HENMT1: variants seen among roughly 807,000 people sequenced by gnomAD.
HENMT1 encodes the protein small RNA 2'-O-methyltransferase.
Under a neutral mutation model 31.1 loss-of-function variants are expected in HENMT1, and 27 were observed. That is an observed-to-expected ratio of 0.87 (90% CI 0.64 to 1.20). The LOEUF is 1.20. HENMT1 is among the 50% of genes most tolerant of loss of function. The probability of loss-of-function intolerance (pLI) is 0.00; values close to 1 mark genes in which losing one functional copy is unlikely to be tolerated. For synonymous variants in HENMT1, 167 were observed against 172.2 expected, an observed-to-expected ratio of 0.97 and a Z score of 0.24; for missense variants, 438 against 469.6, an observed-to-expected ratio of 0.93 and a Z score of 0.62.
intron 3 of HENMT1, among the ~76,000 whole-genome samples, chr1:108,655,907 A>C (rs1279651843): frequency 6.6e-6 from 1 of 151,180 alleles, no homozygotes; most frequent in African/African-American, 2.4e-5. Flanking sequence ...CTGAAACTTT[A>C]TAAGCCCATA....
chr1:108,650,448 G>A (rs1227569366), intron 6 of HENMT1, 60 bp from the exon 7 acceptor site: 35 of 1,439,910 alleles, frequency 2.4e-5, no homozygotes, highest in Non-Finnish European at 2.8e-5. Flanking sequence ...GTTAAATAAG[G>A]AACCATTTCT....
chr1:108,655,365 GCTTT>G (rs1557740539), intron 4 of HENMT1, among the ~76,000 whole-genome samples: 1 of 152,094 alleles, frequency 6.6e-6, no homozygotes, highest in Non-Finnish European at 1.5e-5. Flanking sequence ...AATTTACAAT[GCTTT>G]GATTATTATA....
Position 108,648,828 on chromosome 1 carries a change from G to A in HENMT1, c.920C>T (p.Ser307Leu). Residue 307 changes from serine to leucine, a missense_variant, in exon 8 of 8, where the codon TCA (serine) becomes TTA (leucine). Coordinates refer to ENST00000651461, the MANE Select transcript of HENMT1 (RefSeq NM_001102592.2). ...RGDKPKDIGG[S>L]KAPVPCFGPV... ...TCCAAAGCATGGGACAGGGGCCTTTGAGCCACCAATGTCTTTGGGCTTATC... is the reference window on the plus strand; with the variant it reads ...TCCAAAGCATGGGACAGGGGCCTTTAAGCCACCAATGTCTTTGGGCTTATC... 4 of 1,614,192 alleles carry A rather than the reference G, an allele frequency of 2.5e-6. No homozygotes were observed. Among genetic ancestry groups the A allele is most frequent in the Non-Finnish European group, 3.4e-6 (4 of 1,180,038 alleles).
chr1:108,650,918 T>C, intron 6 of HENMT1, 112 bp downstream of exon 6: 6 of 738,730 alleles, frequency 8.1e-6, no homozygotes, highest in Non-Finnish European at 1.3e-5. Context: ...GAATCAATTT[T>C]ATTGGAAGAA....
At chr1:108,658,641 C>T (rs1389679597) in intron 2 of HENMT1, among the ~76,000 whole-genome samples, 2 of 152,188 alleles carry the variant, frequency 1.3e-5, no homozygotes, top group Non-Finnish European at 2.9e-5. Flanking sequence ...CAAACCCTGG[C>T]CCCAATCCTA....
At position 108,661,036 on chromosome 1, in the gene HENMT1, A is replaced by ATTTC; in HGVS notation, c.-153_-152insGAAA. 1.0e-6 allele frequency: 1 copy of ATTTC among 983,986 alleles called. No individual in the cohort carries two copies. Among genetic ancestry groups the ATTTC allele is most frequent in the Non-Finnish European group, 1.2e-6 (1 of 828,692 alleles). 61.0% of individuals were successfully genotyped at this position (983,986 alleles called of 1,614,324 possible). ...GCGGTAAGCAGCATGCCCAACCGAA[A>ATTTC]AAACAAAGCTCGTCGCGGAGCCGCC... On this transcript the variant is annotated 5_prime_UTR_variant, in exon 1 of 8. Coordinates refer to ENST00000651461, the MANE Select transcript of HENMT1 (RefSeq NM_001102592.2).
At chr1:108,661,227 G>T (rs1658470623), upstream of HENMT1, 1 of 152,554 alleles carries the variant, frequency 6.6e-6, no homozygotes, top group Non-Finnish European at 1.5e-5. Flanking sequence ...GGAGCCTCAT[G>T]GTGCGCCGAG....
chr1:108,654,565 G>T (rs1658155969), intron 5 of HENMT1, 151 bp downstream of exon 5: 1 of 721,042 alleles, frequency 1.4e-6, no homozygotes, highest in East Asian at 2.8e-5. Flanking sequence ...TAAGTAAAAT[G>T]TTGGAAAAGC....
intron 5 of HENMT1, 27 bp downstream of exon 5, chr1:108,654,689 T>A (rs1232793211): frequency 6.2e-7 from 1 of 1,611,372 alleles, no homozygotes; most frequent in Non-Finnish European, 8.5e-7. Context: ...AATGAACAGT[T>A]ATACAGTGTA....
Position 108,648,782 on chromosome 1 carries a change from C to G in HENMT1, c.966G>C (p.Glu322Asp), listed in dbSNP as rs761705102. 1.2e-6 allele frequency: 2 copies of G among 1,614,088 alleles called. No homozygotes were observed. Among genetic ancestry groups the G allele is most frequent in the Admixed American group, 1.7e-5 (1 of 60,008 alleles). Reference sequence around the variant, plus strand: ...TGGGAGAGTTCTCTATCTTGGCCTTCTCAACCTCTGTGAAGACTGGTCCAA... The same window carrying G: ...TGGGAGAGTTCTCTATCTTGGCCTTGTCAACCTCTGTGAAGACTGGTCCAA... ...PCFGPVFTEVEKAKIENSPTP... is the reference protein window; with the variant it reads ...PCFGPVFTEVDKAKIENSPTP... The change falls in exon 8 of 8, where the codon GAG (glutamate) becomes GAC (aspartate). Residue 322 changes from glutamate to aspartate, a missense_variant. Physicochemically the swap from Glu to Asp is conservative, Grantham distance 45. Coordinates refer to ENST00000651461, the MANE Select transcript of HENMT1 (RefSeq NM_001102592.2).
chr1:108,658,208 T>C (rs917127455), intron 2 of HENMT1, among the ~76,000 whole-genome samples: 2 of 151,892 alleles, frequency 1.3e-5, no homozygotes, highest in African/African-American at 4.8e-5. Flanking sequence ...CTCAGCTCAC[T>C]GCAACCTCCG....
At position 108,651,095 on chromosome 1, in the gene HENMT1, A is replaced by G. The variant is rs1658039728; in HGVS notation, c.513T>C (p.Phe171=). The G allele has an allele frequency of 6.2e-7, 1 of 1,613,910 alleles. No individual in the cohort carries two copies. Among genetic ancestry groups the G allele is most frequent in the South Asian group, 1.1e-5 (1 of 91,086 alleles). Residue 171 remains phenylalanine (F), a synonymous_variant, in exon 6 of 8, where the codon TTT becomes TTC. Coordinates refer to ENST00000651461, the MANE Select transcript of HENMT1 (RefSeq NM_001102592.2). ...CTGAATCTCTTAAGGTCACTGATGG[A>G]AACAGGGGATTGAATTCAGAGTTTG... The part of the protein sequence containing the change: ...STPNSEFNPL[F]PSVTLRDSDH...
Position 108,654,730 on chromosome 1 carries a change from T to C in HENMT1, c.384A>G (p.Ile128Met). The change falls in exon 5 of 8, where the codon ATA becomes ATG. Residue 128 changes from isoleucine (I) to methionine (M), a missense_variant. By Grantham distance (10) the Ile-to-Met change is conservative. Transcript: ENST00000651461. ...TTAAAACTTACAATTCAATACACGTTATCAAGTCAAATCCAAGCAAACGAG... is the reference window on the plus strand; with the variant it reads ...TTAAAACTTACAATTCAATACACGTCATCAAGTCAAATCCAAGCAAACGAG... Reference protein sequence around the residue: ...RDSRLLGFDLITCIELIEHLD... With the variant: ...RDSRLLGFDLMTCIELIEHLD... 2 of 1,614,122 alleles carry C rather than the reference T, an allele frequency of 1.2e-6. No individual in the cohort carries two copies. Among genetic ancestry groups the C allele is most frequent in the Non-Finnish European group, 1.7e-6 (2 of 1,179,972 alleles).
chr1:108,660,043 C>CTT, intron 1 of HENMT1, 81 bp from the exon 2 acceptor site: 2 of 598,884 alleles, frequency 3.3e-6, no homozygotes, highest in Non-Finnish European at 5.4e-6. Context: ...GAACGAAAGC[C>CTT]TCTTTCTTAC....
At position 108,661,014 on chromosome 1, in the gene HENMT1, G is replaced by A. The variant is rs565622009; in HGVS notation, c.-130C>T. ...GGGCCGTCGCTTCCATCATCCTGCGGTAAGCAGCATGCCCAACCGAAAAAA... is the reference window on the plus strand; with the variant it reads ...GGGCCGTCGCTTCCATCATCCTGCGATAAGCAGCATGCCCAACCGAAAAAA... On this transcript the variant is annotated 5_prime_UTR_variant, in exon 1 of 8. Transcript: ENST00000651461. The A allele has an allele frequency of 6.1e-6, 6 of 985,150 alleles. No homozygotes were observed. In the South Asian group the frequency reaches 1.4e-4, roughly 23 times the overall value. 61.0% of individuals were successfully genotyped at this position (985,150 alleles called of 1,614,324 possible).
At position 108,654,697 on chromosome 1, in the gene HENMT1, G is replaced by A. The variant is rs773761705; in HGVS notation, c.398+19C>T. The A allele has an allele frequency of 1.2e-5, 20 of 1,612,436 alleles. 1 individual carries two copies. The highest frequency in any genetic ancestry group is 9.9e-5 in the South Asian group (9 of 91,046). On this transcript the variant is annotated intron_variant, in intron 5 of 7. Transcript: ENST00000651461. Reference sequence around the variant, plus strand: ...CTTTTCAAATGAACAGTTATACAGTGTATCAGTTTAAAACTTACAATTCAA... The same window carrying A: ...CTTTTCAAATGAACAGTTATACAGTATATCAGTTTAAAACTTACAATTCAA...
chr1:108,651,067 G>T lies in HENMT1; in HGVS notation c.541C>A (p.His181Asn), dbSNP rs915641347. ...TCCATTCTGGTCCACTCAAATTTAT[G>T]ATCTGAATCTCTTAAGGTCACTGAT... is the stretch of plus-strand genomic sequence containing the variant. Reference protein sequence around the residue: ...FPSVTLRDSDHKFEWTRMEFQ... With the variant: ...FPSVTLRDSDNKFEWTRMEFQ... Residue 181 changes from histidine to asparagine, a missense_variant, in exon 6 of 8, where the codon CAT becomes AAT. Physicochemically the swap from His to Asn is moderately conservative, Grantham distance 68. Coordinates refer to ENST00000651461, the MANE Select transcript of HENMT1 (RefSeq NM_001102592.2). 8.7e-6 allele frequency: 14 copies of T among 1,613,762 alleles called. No homozygotes were observed. The East Asian group carries it at 8.9e-5, about 10-fold the overall frequency.
At chr1:108,653,024 A>G (rs956908567) in intron 5 of HENMT1, among the ~76,000 whole-genome samples, 5 of 149,960 alleles carry the variant, frequency 3.3e-5, no homozygotes, top group Admixed American at 3.3e-4. Flanking sequence ...CATTGTGCAT[A>G]TACATCCCTT....
chr1:108,650,251 G>T lies in HENMT1; in HGVS notation c.716C>A (p.Ser239Ter), dbSNP rs1295106827. The T allele has an allele frequency of 6.2e-7, 1 of 1,614,082 alleles. No homozygotes were observed. The highest frequency in any genetic ancestry group is 1.7e-5 in the Admixed American group (1 of 60,026). The change falls in exon 7 of 8, where the codon TCA (serine) becomes TAA (stop). Residue 239 changes from serine (S) to a stop codon, truncating the protein, a stop_gained. Coordinates refer to ENST00000651461, the MANE Select transcript of HENMT1 (RefSeq NM_001102592.2). LOFTEE classifies it low-confidence loss of function (END_TRUNC). ...CTGATCATGCTGCTCTGAAAGACAT[G>T]ATTCTGTTGCCTTTCCTCCATTTTT... is the stretch of plus-strand genomic sequence containing the variant. ...FRKNGGKATE[S>*]CLSEQHDQHV... is the part of the protein sequence containing the mutation.
Sources: allele counts gnomAD v4.1 joint callset (sites outside exome capture counted in the v4.1 genomes callset), GRCh38; gene constraint gnomAD v4.1.1; transcripts MANE v1.5; gene names NCBI Gene and HGNC (gene_info 2026-07-23, HGNC 2026-07-21).